GPR158: variants seen among roughly 807,000 people sequenced by gnomAD.
GPR158 encodes G protein-coupled receptor 158.
A neutral mutation model predicts 78.2 loss-of-function variants in GPR158; 30 were observed. The ratio of observed to expected loss-of-function variants is 0.38; its 90% CI spans 0.29 to 0.52. The LOEUF is 0.52. GPR158 is among the 20% of genes least tolerant of loss of function. The pLI, the probability that GPR158 is intolerant of heterozygous loss-of-function variation, is 0.83. For synonymous variants in GPR158, 581 were observed against 591.1 expected (o/e 0.98, Z 0.25); for missense variants, 1,463 against 1,523.5 (o/e 0.96, Z 0.66).
intron 2 of GPR158, among the ~76,000 whole-genome samples, chr10:25,317,785 A>G (rs949055723): frequency 2.7e-5 from 4 of 148,286 alleles, no homozygotes; most frequent in Admixed American, 2.0e-4. Context: ...CTGGAGTGCA[A>G]TGGCGCAATC....
chr10:25,422,643 G>A (rs1377211850), intron 4 of GPR158, among the ~76,000 whole-genome samples: 1 of 101,262 alleles, frequency 9.9e-6, no homozygotes, highest in Non-Finnish European at 2.4e-5. Context: ...AAAAAAAAAT[G>A]TGACATATAC....
intron 2 of GPR158, among the ~76,000 whole-genome samples, chr10:25,349,460 C>T (rs778164505): frequency 1.5e-5 from 2 of 132,978 alleles, no homozygotes; most frequent in African/African-American, 3.9e-5. Flanking sequence ...GAGGAAGGAC[C>T]TGGTGGGAGG....
chr10:25,547,642 C>G (rs1836679747), intron 5 of GPR158, among the ~76,000 whole-genome samples: 1 of 152,106 alleles, frequency 6.6e-6, no homozygotes, highest in African/African-American at 2.4e-5. Context: ...TTCATCACCT[C>G]CCCCACACAG....
intron 2 of GPR158, among the ~76,000 whole-genome samples, chr10:25,345,031 C>A (rs897895171): frequency 2.6e-5 from 4 of 151,908 alleles, no homozygotes; most frequent in Admixed American, 6.6e-5. Flanking sequence ...AAGATCTCAC[C>A]TCCTAATACT....
rs566282652 is a variant in GPR158, at chr10:25,357,790, C to G, written c.1009-38121C>G. Among the ~76,000 whole-genome samples, 113 of 152,030 alleles carry G rather than the reference C, an allele frequency of 7.4e-4. 3 individuals carry two copies. The South Asian group carries it at 0.022, about 30-fold the overall frequency. On this transcript the variant is annotated intron_variant, in intron 2 of 10. Transcript: ENST00000376351. The stretch of plus-strand genomic sequence containing the variant: ...GGGAAATGTGGGGTCAGAGCTCCCA[C>G]AGTCCCTACTGGGGCACTGCCTAGA...
At chr10:25,472,842 C>T (rs371321526) in intron 5 of GPR158, among the ~76,000 whole-genome samples, 5 of 152,104 alleles carry the variant, frequency 3.3e-5, no homozygotes, top group African/African-American at 9.7e-5. Context: ...TATCAGCTTA[C>T]GGAGATTTTG....
chr10:25,242,657 A>C (rs925253449), intron 2 of GPR158, among the ~76,000 whole-genome samples: 1 of 152,196 alleles, frequency 6.6e-6, no homozygotes, highest in African/African-American at 2.4e-5. Flanking sequence ...TTATGTTTAG[A>C]CTGGATTTTC....
intron 4 of GPR158, among the ~76,000 whole-genome samples, chr10:25,431,322 C>T (rs1470408174): frequency 6.8e-6 from 1 of 147,716 alleles, no homozygotes; most frequent in Non-Finnish European, 1.5e-5. Flanking sequence ...CCATCTCACA[C>T]CAGTTAGAAT....
At position 25,457,768 on chromosome 10, in the gene GPR158, C is replaced by G. The variant is rs138948258; in HGVS notation, c.1336-8883C>G. Among the ~76,000 whole-genome samples the G allele has an allele frequency of 3.1e-3, 473 of 152,330 alleles. 2 individuals are homozygous for G. The highest frequency in any genetic ancestry group is 0.011 in the African/African-American group (442 of 41,574). On this transcript the variant is annotated intron_variant, in intron 4 of 10. Coordinates refer to ENST00000376351, the MANE Select transcript of GPR158 (RefSeq NM_020752.3). The stretch of plus-strand genomic sequence containing the variant: ...AAGTGAAGGGTATCCAAAACATTCC[C>G]TCTCATGCATCTAAGTTATTCTGCA...
intron 5 of GPR158, among the ~76,000 whole-genome samples, chr10:25,484,924 T>A (rs908941059): frequency 2.0e-5 from 3 of 152,196 alleles, no homozygotes; most frequent in African/African-American, 7.2e-5. Context: ...ATGTATTATA[T>A]GTAAATGCAA....
intron 2 of GPR158, among the ~76,000 whole-genome samples, chr10:25,304,080 T>A (rs184230416): frequency 7.1e-6 from 1 of 140,124 alleles, no homozygotes; most frequent in Admixed American, 7.1e-5. Flanking sequence ...CTTTATAAAG[T>A]TTGTAAGTTT....
intron 2 of GPR158, among the ~76,000 whole-genome samples, chr10:25,242,169 A>C (rs1027427604): frequency 1.3e-5 from 2 of 152,232 alleles, no homozygotes; most frequent in Non-Finnish European, 2.9e-5. Context: ...AAAATGACCT[A>C]GGCCACGCTT....
intron 1 of GPR158, among the ~76,000 whole-genome samples, chr10:25,196,997 C>T (rs1852852889): frequency 6.6e-6 from 1 of 152,208 alleles, no homozygotes; most frequent in South Asian, 2.1e-4. Context: ...GCCACCCCTC[C>T]CTGGCTTATC....
intron 2 of GPR158, among the ~76,000 whole-genome samples, chr10:25,241,279 T>TCCTTTCTTTCCTTTCTTTC (rs1554787189): frequency 2.3e-5 from 2 of 86,816 alleles, no homozygotes; most frequent in South Asian, 8.1e-4. Flanking sequence ...TTCCTTTCTT[T>TCCTTTCTTTCCTTTCTTTC]CTTTCTTTTC....
chr10:25,295,454 C>G (rs1405473697), intron 2 of GPR158, among the ~76,000 whole-genome samples: 3 of 152,272 alleles, frequency 2.0e-5, no homozygotes, highest in African/African-American at 7.2e-5. Flanking sequence ...CACTCTGTCA[C>G]CCAGGCTGGA....
intron 2 of GPR158, among the ~76,000 whole-genome samples, chr10:25,337,083 A>T (rs1855219409): frequency 6.6e-6 from 1 of 152,150 alleles, no homozygotes; most frequent in Non-Finnish European, 1.5e-5. Flanking sequence ...ATATAGCAGC[A>T]TTTCACATCT....
intron 4 of GPR158, among the ~76,000 whole-genome samples, chr10:25,425,929 C>G (rs1834814134): frequency 6.6e-6 from 1 of 152,114 alleles, no homozygotes; most frequent in Non-Finnish European, 1.5e-5. Context: ...TTCCAAGCTG[C>G]TGTTTCCTAT....
At chr10:25,289,957 T>G (rs1424926929) in intron 2 of GPR158, among the ~76,000 whole-genome samples, 1 of 152,200 alleles carries the variant, frequency 6.6e-6, no homozygotes, top group Non-Finnish European at 1.5e-5. Context: ...TGTAAGAAAC[T>G]GGGTCCTGCA....
chr10:25,191,308 T>C lies in GPR158; in HGVS notation c.902+14986T>C, dbSNP rs117120125. ...GTTGGTGACCATCACTTGCATTAGC[T>C]ATGGCTGCAGCGAACTTGCAGTTTA... On this transcript the variant is annotated intron_variant, in intron 1 of 10. Transcript: ENST00000376351. 2.3e-3 allele frequency among the ~76,000 whole-genome samples: 357 copies of C among 152,284 alleles called. 3 individuals carry two copies. The highest frequency in any genetic ancestry group is 0.017 in the East Asian group (87 of 5,186).
Sources: gnomAD v4.1 joint callset for allele counts (sites outside exome capture counted in the v4.1 genomes callset) on GRCh38, gnomAD v4.1.1 for gene constraint, MANE v1.5 for transcripts, NCBI Gene and HGNC (gene_info 2026-07-23, HGNC 2026-07-21) for gene names.